RTN2: variants seen among roughly 807,000 people sequenced by gnomAD.
RTN2 encodes the protein reticulon-2.
Under a neutral mutation model 63.7 loss-of-function variants are expected in RTN2, and 36 were observed. The ratio of observed to expected loss-of-function variants is 0.56; its 90% CI spans 0.43 to 0.75. RTN2 has a LOEUF of 0.75. Among genes scored for constraint, RTN2 ranks in the 30% least tolerant of loss-of-function variants. The probability of loss-of-function intolerance (pLI) is 0.00; values close to 1 mark genes in which losing one functional copy is unlikely to be tolerated. For synonymous variants in RTN2, 312 were observed against 313.0 expected (o/e 1.00, Z 0.03); for missense variants, 673 against 705.1 (o/e 0.95, Z 0.52).
intron 1 of RTN2, 189 bp downstream of exon 1, chr19:45,496,603 T>C: frequency 2.5e-6 from 1 of 394,066 alleles, no homozygotes; most frequent in African/African-American, 2.1e-5. Context: ...CCGCCCTGTT[T>C]CGTCCAGGTC....
At chr19:45,490,398 A>G (rs1346140678) in intron 5 of RTN2, among the ~76,000 whole-genome samples, 1 of 151,984 alleles carries the variant, frequency 6.6e-6, no homozygotes, top group African/African-American at 2.4e-5. Context: ...TTGCTGGGTC[A>G]TTCAGTTTGT....
rs755453939 is a variant in RTN2, at chr19:45,494,400, G to A, written c.580C>T (p.Leu194Phe). The A allele has an allele frequency of 7.4e-6, 12 of 1,613,372 alleles. No individual in the cohort carries two copies. The highest frequency in any genetic ancestry group is 6.6e-5 in the South Asian group (6 of 91,074). Reference protein sequence around the residue: ...AGEELDLRLRLAQPSSPEVLT... With the variant: ...AGEELDLRLRFAQPSSPEVLT... ...ACCTCGGGCGATGAGGGCTGAGCAA[G>A]TCGGAGTCGTAGGTCCAGTTCTGAT... Residue 194 changes from leucine (L) to phenylalanine (F), a missense_variant, in exon 4 of 11, where the codon CTT (leucine) becomes TTT (phenylalanine). Physicochemically the swap from Leu to Phe is conservative, Grantham distance 22. Transcript: ENST00000245923. This position sits in a 1 kb window ranked among gnomAD's most constrained non-coding sequence, Gnocchi z 5.3.
At position 45,489,380 on chromosome 19, in the gene RTN2, C is replaced by T; in HGVS notation, c.1207G>A (p.Ala403Thr). Residue 403 changes from alanine (A) to threonine (T), a missense_variant, in exon 6 of 11, where the codon GCC becomes ACC. Coordinates refer to ENST00000245923, the MANE Select transcript of RTN2 (RefSeq NM_005619.5). ...SLRVYRKVLQ[A>T]VHRGDGANPF... is the part of the protein sequence containing the mutation. ...TTGGCTCCATCCCCCCGGTGCACGG[C>T]CTGCAGCACTTTGCGGTAAACCCTG... is the stretch of plus-strand genomic sequence containing the variant. 2 of 1,585,204 alleles carry T rather than the reference C, an allele frequency of 1.3e-6. No homozygotes were observed. Among genetic ancestry groups the T allele is most frequent in the Non-Finnish European group, 1.7e-6 (2 of 1,166,388 alleles).
In RTN2 at chr19:45,489,487, G is replaced by A. The variant is rs140494585; in HGVS notation, c.1100C>T (p.Ser367Phe). The change falls in exon 6 of 11, where the codon TCC becomes TTC. Residue 367 changes from serine (S) to phenylalanine (F), a missense_variant. By Grantham distance (155) the Ser-to-Phe change is radical. Coordinates refer to ENST00000245923, the MANE Select transcript of RTN2 (RefSeq NM_005619.5). ...GCTAAAGTGCAGGAGGCAGAGGAGG[G>A]AGACCATCAGGCCTGTGAAGACCAC... ...SGVVFTGLMVSLLCLLHFSIV... is the reference protein window; with the variant it reads ...SGVVFTGLMVFLLCLLHFSIV... 16 of 1,612,628 alleles carry A rather than the reference G, an allele frequency of 9.9e-6. No individual in the cohort carries two copies. The highest frequency in any genetic ancestry group is 1.4e-5 in the Non-Finnish European group (16 of 1,179,466).
At chr19:45,496,722 A>AG in intron 1 of RTN2, 70 bp downstream of exon 1, 1 of 1,102,538 alleles carries the variant, frequency 9.1e-7, no homozygotes, top group East Asian at 3.1e-5. Context: ...GCAAGCGCCG[A>AG]GGGGACACCG....
chr19:45,485,943 C>T, intron 10 of RTN2, 112 bp downstream of exon 10: 1 of 1,262,552 alleles, frequency 7.9e-7, no homozygotes, highest in Admixed American at 1.9e-5. Flanking sequence ...GCCTCCTCAG[C>T]CTTTTCAAGG....
At chr19:45,488,421 A>C (rs778251889) in intron 9 of RTN2, 50 bp downstream of exon 9, 2 of 1,592,310 alleles carry the variant, frequency 1.3e-6, no homozygotes, top group East Asian at 2.2e-5. Context: ...GGAGATGGTC[A>C]GACCCCCATG....
In RTN2 at chr19:45,494,175, G is replaced by A; in HGVS notation, c.805C>T (p.Arg269Cys). The A allele has an allele frequency of 1.9e-6, 3 of 1,602,172 alleles. No individual in the cohort carries two copies. Among genetic ancestry groups the A allele is most frequent in the Non-Finnish European group, 2.5e-6 (3 of 1,179,874 alleles). Residue 269 changes from arginine to cysteine, a missense_variant, in exon 4 of 11, where the codon CGC (arginine) becomes TGC (cysteine). By Grantham distance (180) the Arg-to-Cys change is radical. Transcript: ENST00000245923. The surrounding 1 kb of genome is among the most constrained non-coding windows in gnomAD (Gnocchi z 5.3). ...TDQLEFTVEP[R>C]LLGTAMEWLK... ...CATACACGTTGCTTACCTAGAAGGCGTGGCTCCACCGTGAATTCTAATTGG... is the reference window on the plus strand; with the variant it reads ...CATACACGTTGCTTACCTAGAAGGCATGGCTCCACCGTGAATTCTAATTGG...
At position 45,485,709 on chromosome 19, in the gene RTN2, C is replaced by T; in HGVS notation, c.1637G>A (p.Ter546=). 6.2e-7 allele frequency: 1 copy of T among 1,613,688 alleles called. No homozygotes were observed. Among genetic ancestry groups the T allele is most frequent in the Admixed American group, 1.7e-5 (1 of 60,026 alleles). Residue 546 remains the stop codon, a stop_retained_variant, in exon 11 of 11, where the codon TGA becomes TAA. Transcript: ENST00000245923. ...AVSGSKAKAE[*] ...GTCCTGCGGGCAGAGACACCGTTCT[C>T]ATTCGGCTTTGGCTTTGGATCCGGA...
At chr19:45,495,912 T>A (rs1191583653) in intron 1 of RTN2, among the ~76,000 whole-genome samples, 6 of 152,186 alleles carry the variant, frequency 3.9e-5, no homozygotes, top group Non-Finnish European at 7.3e-5. Flanking sequence ...AATGTTGGGA[T>A]GATACTCGAA....
Position 45,493,277 on chromosome 19 carries a change from C to G in RTN2, c.916G>C (p.Val306Leu), listed in dbSNP as rs181791404. 4.3e-5 allele frequency: 69 copies of G among 1,613,038 alleles called. No homozygotes were observed. Among genetic ancestry groups the G allele is most frequent in the Non-Finnish European group, 5.6e-5 (66 of 1,179,722 alleles). ...SPPLWTAIGWVQRGPTPPTPV... is the reference protein window; with the variant it reads ...SPPLWTAIGWLQRGPTPPTPV... The stretch of plus-strand genomic sequence containing the variant: ...GTAGGGGGGGTGGGGCCCCTTTGGA[C>G]CCAGCCAATGGCTGTCCACAGAGGT... The change falls in exon 5 of 11, where the codon GTC becomes CTC. Residue 306 changes from valine to leucine, a missense_variant. Transcript: ENST00000245923.
At chr19:45,489,260 G>A (rs1017150646) in intron 6 of RTN2, 86 bp downstream of exon 6, 10 of 1,255,852 alleles carry the variant, frequency 8.0e-6, no homozygotes, top group Admixed American at 2.0e-5. Context: ...GTCGGGGTCC[G>A]GGTGGGAGTC....
At position 45,494,634 on chromosome 19, in the gene RTN2, C is replaced by A; in HGVS notation, c.451G>T (p.Ala151Ser). The A allele has an allele frequency of 6.2e-7, 1 of 1,613,902 alleles. No homozygotes were observed. Among genetic ancestry groups the A allele is most frequent in the Non-Finnish European group, 8.5e-7 (1 of 1,180,028 alleles). The change falls in exon 3 of 11, where the codon GCC (alanine) becomes TCC (serine). Residue 151 changes from alanine (A) to serine (S), a missense_variant. By Grantham distance (99) the Ala-to-Ser change is moderately conservative (BLOSUM62 1). Coordinates refer to ENST00000245923, the MANE Select transcript of RTN2 (RefSeq NM_005619.5). The surrounding 1 kb of genome is among the most constrained non-coding windows in gnomAD (Gnocchi z 5.3). ...RLRLDHLGWVARGTGSGEDSS... is the reference protein window; with the variant it reads ...RLRLDHLGWVSRGTGSGEDSS... ...TCCTCCCCGGATCCCGTTCCCCGGG[C>A]CACCCAGCCCAGATGGTCCAACCGA...
chr19:45,493,099 G>T, intron 5 of RTN2, 61 bp downstream of exon 5: 1 of 1,460,708 alleles, frequency 6.8e-7, no homozygotes, highest in South Asian at 1.1e-5. Flanking sequence ...AGGAGATAAG[G>T]GCGAGTTTGG....
chr19:45,488,347 G>A, intron 9 of RTN2, 124 bp downstream of exon 9: 1 of 891,878 alleles, frequency 1.1e-6, no homozygotes, highest in Non-Finnish European at 1.8e-6. Flanking sequence ...GTATTGGGAA[G>A]GTGCTGCAGC....
rs117156117 is a variant in RTN2, at chr19:45,495,123, T to C, written c.51A>G (p.Thr17=). The change falls in exon 2 of 11, where the codon ACA becomes ACG. Residue 17 remains threonine, a synonymous_variant. Coordinates refer to ENST00000245923, the MANE Select transcript of RTN2 (RefSeq NM_005619.5). ...VFAHCKEAPS[T]ASSTPDSTEG... The stretch of plus-strand genomic sequence containing the variant: ...CTGTGGAATCAGGAGTTGAGGAGGC[T>C]GTAGACGGAGCTTCTTCTGCGAGAG... 5.5e-3 allele frequency: 8,844 copies of C among 1,614,148 alleles called. 405 individuals carry two copies. The Admixed American group carries it at 0.096, about 17-fold the overall frequency.
chr19:45,488,064 C>A (rs1418265437), intron 9 of RTN2, among the ~76,000 whole-genome samples: 1 of 152,102 alleles, frequency 6.6e-6, no homozygotes, highest in Non-Finnish European at 1.5e-5. Flanking sequence ...ACCAGCCTGG[C>A]CAGCATGGCA....
At chr19:45,491,349 A>G (rs562501964) in intron 5 of RTN2, among the ~76,000 whole-genome samples, 2 of 140,148 alleles carry the variant, frequency 1.4e-5, no homozygotes, top group Admixed American at 7.1e-5. Context: ...TGGCACCACG[A>G]TATCGTGCTA....
At chr19:45,489,754 C>G (rs1238308242) in intron 5 of RTN2, among the ~76,000 whole-genome samples, 1 of 148,896 alleles carries the variant, frequency 6.7e-6, no homozygotes, top group Non-Finnish European at 1.5e-5. Context: ...TCATAGCTCA[C>G]TGCAGCCTCG....
Sources: allele counts gnomAD v4.1 joint callset (sites outside exome capture counted in the v4.1 genomes callset), GRCh38; gene constraint gnomAD v4.1.1; non-coding constraint Gnocchi (gnomAD v3.1); transcripts MANE v1.5; gene names NCBI Gene and HGNC (gene_info 2026-07-23, HGNC 2026-07-21).